The following MSRB3 variants were observed in gnomAD, a reference collection of about 807,000 sequenced individuals.
MSRB3 encodes methionine-R-sulfoxide reductase B3.
MSRB3 carries 13 observed loss-of-function variants against 21.0 expected under a neutral mutation model. The observed-to-expected ratio is 0.62, with a 90% CI of 0.40 to 0.98. MSRB3 has a LOEUF of 0.98. Ranked by LOEUF, MSRB3 falls within the 50% of genes least tolerant of loss-of-function variation. The pLI is 0.00. For synonymous variants in MSRB3, 87 were observed against 88.6 expected, an observed-to-expected ratio of 0.98 and a Z score of 0.10; for missense variants, 199 against 230.3, an observed-to-expected ratio of 0.86 and a Z score of 0.88.
intron 5 of MSRB3, among the ~76,000 whole-genome samples, chr12:65,376,382 G>GA (rs1565862537): frequency 6.6e-6 from 1 of 152,154 alleles, no homozygotes; most frequent in Non-Finnish European, 1.5e-5. Context: ...GCCTCCCAAA[G>GA]TGCTGGGATT....
chr12:65,425,034 G>GTTTT (rs146906966), intron 5 of MSRB3, among the ~76,000 whole-genome samples: 97 of 17,130 alleles, frequency 5.7e-3, no homozygotes, highest in South Asian at 8.9e-3. Context: ...TCTGGTTTTG[G>GTTTT]TTTTATATGT....
intron 5 of MSRB3, chr12:65,419,101 G>C: frequency 1.5e-6 from 1 of 688,388 alleles, no homozygotes; most frequent in Non-Finnish European, 2.6e-6. Context: ...AGTCTCCGAG[G>C]ACTGGGCTGT....
At chr12:65,388,676 C>T (rs1397890913) in intron 5 of MSRB3, among the ~76,000 whole-genome samples, 1 of 152,026 alleles carries the variant, frequency 6.6e-6, no homozygotes, top group African/African-American at 2.4e-5. Context: ...TCAAGACCAG[C>T]CTGGGCAACA....
At chr12:65,297,884 A>G (rs1873073441) in intron 1 of MSRB3, among the ~76,000 whole-genome samples, 1 of 152,192 alleles carries the variant, frequency 6.6e-6, no homozygotes, top group Admixed American at 6.5e-5. Flanking sequence ...GTATTTGAGC[A>G]GTATCTTGGA....
intron 4 of MSRB3, among the ~76,000 whole-genome samples, chr12:65,348,239 AT>A (rs1876667321): frequency 6.6e-6 from 1 of 152,122 alleles, no homozygotes; most frequent in Non-Finnish European, 1.5e-5. Context: ...TTGGTAAGCT[AT>A]TAATTATTGC....
chr12:65,290,934 T>C (rs976388553), intron 1 of MSRB3, among the ~76,000 whole-genome samples: 5 of 152,212 alleles, frequency 3.3e-5, no homozygotes, highest in Admixed American at 3.3e-4. Context: ...TGATAGTGAT[T>C]GGAAACTACT....
In MSRB3 at chr12:65,401,385, G is replaced by A. The variant is rs146065836; in HGVS notation, c.292+32359G>A. 6.4e-3 allele frequency among the ~76,000 whole-genome samples: 970 copies of A among 152,096 alleles called. 8 individuals carry two copies. Among genetic ancestry groups the A allele is most frequent in the Non-Finnish European group, 7.3e-3 (497 of 67,978 alleles). ...TGTAATGCCCTTCTATGTATCTTTC[G>A]ATCTTTGTTGGTTTAAAGTCTGTTT... On this transcript the variant is annotated intron_variant, in intron 5 of 6. Transcript: ENST00000308259.
At position 65,375,930 on chromosome 12, in the gene MSRB3, G is replaced by GTTT. The variant is rs35459253; in HGVS notation, c.292+6912_292+6914dup. 6.7e-5 allele frequency among the ~76,000 whole-genome samples: 10 copies of GTTT among 148,840 alleles called. No homozygotes were observed. The East Asian group carries it at 7.9e-4, about 12-fold the overall frequency. Reference sequence around the variant, plus strand: ...AGTCTATTATTCAGTACTTATTAAAGTTTTTTTTTTGGCCTCCCATGTATT... The same window carrying GTTT: ...AGTCTATTATTCAGTACTTATTAAAGTTTTTTTTTTTTTGGCCTCCCATGTATT... On this transcript the variant is annotated intron_variant, in intron 5 of 6. Coordinates refer to ENST00000308259, the MANE Select transcript of MSRB3 (RefSeq NM_001031679.3).
chr12:65,442,147 T>G (rs915216155), intron 5 of MSRB3, among the ~76,000 whole-genome samples: 2 of 152,058 alleles, frequency 1.3e-5, no homozygotes, highest in East Asian at 3.9e-4. Flanking sequence ...GTTTAGCACT[T>G]AAAATATATA....
intron 4 of MSRB3, among the ~76,000 whole-genome samples, chr12:65,355,070 G>A (rs1319126432): frequency 6.6e-6 from 1 of 151,750 alleles, no homozygotes; most frequent in Non-Finnish European, 1.5e-5. Flanking sequence ...CTAGAAATGA[G>A]GGAAAGAGGT....
chr12:65,364,020 G>GATTCATA (rs1000290258), intron 4 of MSRB3, among the ~76,000 whole-genome samples: 77 of 152,146 alleles, frequency 5.1e-4, no homozygotes, highest in African/African-American at 1.7e-3. Flanking sequence ...AACAGTTGGA[G>GATTCATA]ATTCATATGG....
intron 5 of MSRB3, among the ~76,000 whole-genome samples, chr12:65,424,987 A>ATATATATATC (rs1242894274): frequency 0.17 from 16 of 96 alleles, no homozygotes; most frequent in African/African-American, 0.32. Context: ...ATATATATAT[A>ATATATATATC]TATCTCAATA....
At chr12:65,302,807 A>G (rs1873415171) in intron 1 of MSRB3, among the ~76,000 whole-genome samples, 1 of 152,286 alleles carries the variant, frequency 6.6e-6, no homozygotes, top group Non-Finnish European at 1.5e-5. Context: ...TTTTTTATAG[A>G]ACTTTATAGT....
At chr12:65,380,081 A>G (rs1360530844) in intron 5 of MSRB3, among the ~76,000 whole-genome samples, 2 of 152,252 alleles carry the variant, frequency 1.3e-5, no homozygotes, top group African/African-American at 2.4e-5. Context: ...TTTAGAAGAC[A>G]TGAATTACTT....
intron 4 of MSRB3, among the ~76,000 whole-genome samples, chr12:65,342,692 C>T (rs1359269166): frequency 1.3e-5 from 2 of 151,930 alleles, no homozygotes; most frequent in African/African-American, 4.8e-5. Context: ...AATCATTCTT[C>T]TTATGATACA....
At chr12:65,361,610 T>C (rs902578419) in intron 4 of MSRB3, among the ~76,000 whole-genome samples, 5 of 152,204 alleles carry the variant, frequency 3.3e-5, no homozygotes, top group Non-Finnish European at 7.3e-5. Flanking sequence ...CAGATATTAA[T>C]GTTTTGTAAT....
intron 5 of MSRB3, among the ~76,000 whole-genome samples, chr12:65,412,095 G>A (rs1202777040): frequency 6.6e-6 from 1 of 152,052 alleles, no homozygotes; most frequent in African/African-American, 2.4e-5. Flanking sequence ...TCAATTTCAA[G>A]CCCTTTTTAT....
chr12:65,439,387 A>G lies in MSRB3; in HGVS notation c.293-14341A>G, dbSNP rs145637402. On this transcript the variant is annotated intron_variant, in intron 5 of 6. Coordinates refer to ENST00000308259, the MANE Select transcript of MSRB3 (RefSeq NM_001031679.3). Reference sequence around the variant, plus strand: ...ATTGAGACATATGTGTAGTCAAACTAAATAAGGATAGAGGATAACCCAATA... The same window carrying G: ...ATTGAGACATATGTGTAGTCAAACTGAATAAGGATAGAGGATAACCCAATA... Among the ~76,000 whole-genome samples, 494 of 151,870 alleles carry G rather than the reference A, an allele frequency of 3.3e-3. 8 individuals carry two copies. The highest frequency in any genetic ancestry group is 0.012 in the African/African-American group (478 of 41,514).
At chr12:65,403,949 G>A (rs868234127) in intron 5 of MSRB3, among the ~76,000 whole-genome samples, 92 of 152,284 alleles carry the variant, frequency 6.0e-4, no homozygotes, top group African/African-American at 2.2e-3. Flanking sequence ...TGTCTAACCA[G>A]TCCCAGTGAG....
Sources: gnomAD v4.1 joint callset for allele counts (sites outside exome capture counted in the v4.1 genomes callset) on GRCh38, gnomAD v4.1.1 for gene constraint, MANE v1.5 for transcripts, NCBI Gene and HGNC (gene_info 2026-07-23, HGNC 2026-07-21) for gene names.